The following PTPRG variants were observed in gnomAD, a reference collection of about 807,000 sequenced individuals.
PTPRG encodes receptor-type tyrosine-protein phosphatase gamma.
Under a neutral mutation model 165.3 loss-of-function variants are expected in PTPRG, and 102 were observed. The observed-to-expected ratio is 0.62, with a 90% CI of 0.53 to 0.73. PTPRG has a LOEUF of 0.73. Ranked by LOEUF, PTPRG falls within the 30% of genes least tolerant of loss-of-function variation. PTPRG has a pLI of 0.00. For missense variants in PTPRG, 1,866 were observed against 1,861.4 expected, an observed-to-expected ratio of 1.00 and a Z score of -0.05; for synonymous variants, 675 against 669.5, an observed-to-expected ratio of 1.01 and a Z score of -0.13.
At chr3:61,897,290 G>A (rs1559676137) in intron 2 of PTPRG, among the ~76,000 whole-genome samples, 1 of 150,366 alleles carries the variant, frequency 6.7e-6, no homozygotes, top group Non-Finnish European at 1.5e-5. Flanking sequence ...GGTTTAGGCT[G>A]ATCTTCTCTT....
chr3:61,993,088 G>T (rs559656224), intron 3 of PTPRG, among the ~76,000 whole-genome samples: 1 of 151,606 alleles, frequency 6.6e-6, no homozygotes, highest in East Asian at 1.9e-4. Context: ...GCATATTAGT[G>T]CAGGCTAAAT....
chr3:62,057,262 A>G (rs1700663934), intron 4 of PTPRG, among the ~76,000 whole-genome samples: 1 of 152,212 alleles, frequency 6.6e-6, no homozygotes, highest in Admixed American at 6.5e-5. Context: ...ACCACAGCCA[A>G]TCTCAGCCAA....
intron 1 of PTPRG, among the ~76,000 whole-genome samples, chr3:61,654,395 C>G (rs1420351468): frequency 6.6e-6 from 1 of 151,750 alleles, no homozygotes; most frequent in Non-Finnish European, 1.5e-5. Context: ...TTCTTTCTTT[C>G]TTTTTTTGAG....
At chr3:61,923,312 A>C (rs1174974280) in intron 2 of PTPRG, among the ~76,000 whole-genome samples, 5 of 152,106 alleles carry the variant, frequency 3.3e-5, no homozygotes, top group African/African-American at 1.2e-4. Flanking sequence ...AATTGATTTA[A>C]CCGTACATCA....
intron 7 of PTPRG, among the ~76,000 whole-genome samples, chr3:62,163,307 T>C (rs1347317476): frequency 9.2e-5 from 14 of 152,182 alleles, no homozygotes; most frequent in Admixed American, 8.5e-4. Flanking sequence ...ATAAAACTTA[T>C]ACTAATACTG....
intron 2 of PTPRG, among the ~76,000 whole-genome samples, chr3:61,933,573 T>C (rs967385784): frequency 6.6e-6 from 1 of 152,180 alleles, no homozygotes; most frequent in African/African-American, 2.4e-5. Context: ...AATTGATTAA[T>C]TGATTATTAC....
chr3:61,891,282 G>A (rs187645147), intron 2 of PTPRG, among the ~76,000 whole-genome samples: 3 of 152,142 alleles, frequency 2.0e-5, no homozygotes, highest in Admixed American at 2.0e-4. Context: ...GTGACAGAGC[G>A]AGACTCCATC....
intron 14 of PTPRG, among the ~76,000 whole-genome samples, chr3:62,239,079 G>T (rs1701096492): frequency 1.3e-5 from 2 of 152,104 alleles, no homozygotes; most frequent in Admixed American, 1.3e-4. Flanking sequence ...ATTATACTTT[G>T]TAGTTAAATT....
At chr3:61,752,063 A>AT (rs1041792746) in intron 2 of PTPRG, among the ~76,000 whole-genome samples, 1 of 152,032 alleles carries the variant, frequency 6.6e-6, no homozygotes, top group African/African-American at 2.4e-5. Flanking sequence ...CTTCTTGCTT[A>AT]TTTTTGAGAC....
At chr3:62,262,053 T>C (rs796773631) in intron 16 of PTPRG, 2 of 152,226 alleles carry the variant, frequency 1.3e-5, no homozygotes, top group South Asian at 4.1e-4. Context: ...GTTTGAAGCA[T>C]ATAGTGTAGA....
chr3:61,736,520 G>A (rs79935193), intron 1 of PTPRG, among the ~76,000 whole-genome samples: 1,723 of 152,026 alleles, frequency 0.011, 14 homozygotes, highest in Non-Finnish European at 0.017. Flanking sequence ...GATGAAGAAG[G>A]GTGAAGGTGA....
chr3:62,275,428 A>G (rs939677763), intron 23 of PTPRG, among the ~76,000 whole-genome samples: 4 of 152,176 alleles, frequency 2.6e-5, no homozygotes, highest in African/African-American at 7.2e-5. Context: ...AGAAATATCT[A>G]TTGCACACAG....
intron 1 of PTPRG, among the ~76,000 whole-genome samples, chr3:61,728,874 C>CAAAAAAAA (rs3032404): frequency 9.7e-6 from 1 of 103,006 alleles, no homozygotes; most frequent in African/African-American, 3.5e-5. Context: ...TAATCTGTAC[C>CAAAAAAAA]AAAAAAAAAA....
At chr3:61,890,423 G>GTTTTTTTTTTTTT (rs11328993) in intron 2 of PTPRG, among the ~76,000 whole-genome samples, 2 of 119,240 alleles carry the variant, frequency 1.7e-5, no homozygotes, top group African/African-American at 6.6e-5. Context: ...TTTTTTTTTT[G>GTTTTTTTTTTTTT]TTTTTTTTTT....
intron 4 of PTPRG, among the ~76,000 whole-genome samples, chr3:62,063,091 A>G (rs1013082650): frequency 2.6e-5 from 4 of 152,230 alleles, no homozygotes; most frequent in African/African-American, 9.6e-5. Flanking sequence ...AATTTTGCAT[A>G]TTTGGAAATG....
intron 13 of PTPRG, among the ~76,000 whole-genome samples, chr3:62,221,495 G>A (rs946584832): frequency 5.9e-5 from 9 of 152,180 alleles, no homozygotes; most frequent in South Asian, 2.1e-4. Flanking sequence ...TTATTAATGC[G>A]AAAGAAGAAA....
At chr3:62,231,342 G>A (rs778314111) in intron 14 of PTPRG, 31 bp downstream of exon 14, 31 of 1,513,348 alleles carry the variant, frequency 2.0e-5, no homozygotes, top group South Asian at 2.7e-5. Flanking sequence ...AGTGGGGGGC[G>A]TCTTGATGGC....
At chr3:61,880,835 G>T (rs1281275008) in intron 2 of PTPRG, among the ~76,000 whole-genome samples, 1 of 152,054 alleles carries the variant, frequency 6.6e-6, no homozygotes, top group South Asian at 2.1e-4. Flanking sequence ...AGCATTCAGA[G>T]TAGTAACCAG....
chr3:61,668,381 A>T (rs979183619), intron 1 of PTPRG, among the ~76,000 whole-genome samples: 42 of 152,294 alleles, frequency 2.8e-4, no homozygotes, highest in Non-Finnish European at 1.5e-4. Flanking sequence ...TGAACTCTCT[A>T]TAGTACTCTA....
Sources: allele counts gnomAD v4.1 joint callset (sites outside exome capture counted in the v4.1 genomes callset), GRCh38; gene constraint gnomAD v4.1.1; transcripts MANE v1.5; gene names NCBI Gene and HGNC (gene_info 2026-07-23, HGNC 2026-07-21).